TMCC2: variants seen among roughly 807,000 people sequenced by gnomAD.
TMCC2 encodes transmembrane and coiled-coil domain family 2.
In TMCC2, 16 loss-of-function variants were observed where a neutral mutation model predicts 49.4. The observed-to-expected ratio is 0.32, with a 90% CI of 0.22 to 0.49. The LOEUF (loss-of-function observed/expected upper bound fraction) is 0.49. TMCC2 is among the 20% of genes least tolerant of loss of function. The pLI is 0.99. For missense variants in TMCC2, 762 were observed against 989.8 expected (o/e 0.77, Z 3.09); for synonymous variants, 397 against 434.1 (o/e 0.91, Z 1.06).
At chr1:205,252,890 G>A (rs1049192817) in intron 2 of TMCC2, among the ~76,000 whole-genome samples, 3 of 151,608 alleles carry the variant, frequency 2.0e-5, no homozygotes, top group Non-Finnish European at 4.4e-5. Context: ...GGAGGCCAAG[G>A]CAGGAGGATC....
intron 2 of TMCC2, among the ~76,000 whole-genome samples, chr1:205,265,492 C>T (rs142698218): frequency 1.7e-3 from 257 of 152,288 alleles, no homozygotes; most frequent in African/African-American, 5.8e-3. Flanking sequence ...GTAGTTGGGA[C>T]AGACTCTGTC....
chr1:205,236,994 T>G (rs1255398452), intron 1 of TMCC2: 1 of 152,080 alleles, frequency 6.6e-6, no homozygotes, highest in Non-Finnish European at 1.5e-5. Flanking sequence ...AAAATAAAAT[T>G]GAGAATGGGG....
intron 2 of TMCC2, among the ~76,000 whole-genome samples, chr1:205,248,149 G>A (rs1660526186): frequency 1.3e-5 from 2 of 152,226 alleles, no homozygotes; most frequent in South Asian, 4.1e-4. Flanking sequence ...GCTCCTGCCT[G>A]TAATCCTAGC....
Sources: gnomAD v4.1 joint callset for allele counts (sites outside exome capture counted in the v4.1 genomes callset) on GRCh38, gnomAD v4.1.1 for gene constraint, MANE v1.5 for transcripts, NCBI Gene and HGNC (gene_info 2026-07-23, HGNC 2026-07-21) for gene names.